PGCKA1: variants seen among roughly 807,000 people sequenced by gnomAD.
PGCKA1 encodes the protein PDCD10 and GCKIII kinases-associated protein 1.
the PGCKA1 span, among the ~76,000 whole-genome samples, chr4:37,469,041 A>G: frequency 6.6e-6 from 1 of 152,142 alleles, no homozygotes; most frequent in Non-Finnish European, 1.5e-5. Flanking sequence ...CCGTATTTTT[A>G]CTGTACATTT....
chr4:37,472,245 C>G, the PGCKA1 span, among the ~76,000 whole-genome samples: 2 of 152,196 alleles, frequency 1.3e-5, no homozygotes, highest in Admixed American at 1.3e-4. Flanking sequence ...TTTCCTCATT[C>G]TCTTCATTCT....
chr4:37,584,793 C>T, the PGCKA1 span, among the ~76,000 whole-genome samples: 3 of 152,160 alleles, frequency 2.0e-5, no homozygotes, highest in Admixed American at 6.5e-5. Flanking sequence ...TGCTTTTCCT[C>T]GCCTTCTTGC....
At chr4:37,514,221 A>C in the PGCKA1 span, among the ~76,000 whole-genome samples, 1 of 152,164 alleles carries the variant, frequency 6.6e-6, no homozygotes, top group Admixed American at 6.5e-5. Context: ...GTAAAACAGA[A>C]ATTAGATTTT....
At chr4:37,479,046 T>G in the PGCKA1 span, among the ~76,000 whole-genome samples, 1 of 152,224 alleles carries the variant, frequency 6.6e-6, no homozygotes, top group Admixed American at 6.5e-5. Flanking sequence ...AATTACACTG[T>G]CTACAGCAAA....
chr4:37,478,535 C>T, the PGCKA1 span, among the ~76,000 whole-genome samples: 1 of 152,176 alleles, frequency 6.6e-6, no homozygotes, highest in Non-Finnish European at 1.5e-5. Flanking sequence ...TTAGATCGTC[C>T]TTCAAGCAAG....
chr4:37,545,713 C>T, the PGCKA1 span, among the ~76,000 whole-genome samples: 159 of 152,266 alleles, frequency 1.0e-3, 1 homozygote, highest in African/African-American at 3.7e-3. Flanking sequence ...TGTCATCCCC[C>T]CATTCATTGT....
the PGCKA1 span, among the ~76,000 whole-genome samples, chr4:37,510,465 G>C: frequency 6.6e-6 from 1 of 152,042 alleles, no homozygotes; most frequent in Non-Finnish European, 1.5e-5. Context: ...ACTCGTACTG[G>C]TACCACCTTG....
At chr4:37,530,837 G>A in the PGCKA1 span, among the ~76,000 whole-genome samples, 21 of 151,880 alleles carry the variant, frequency 1.4e-4, no homozygotes, top group African/African-American at 1.9e-4. Flanking sequence ...AAAATTAGCC[G>A]GGTGTGGTGT....
At chr4:37,530,009 G>T in the PGCKA1 span, among the ~76,000 whole-genome samples, 1 of 152,134 alleles carries the variant, frequency 6.6e-6, no homozygotes, top group East Asian at 1.9e-4. Flanking sequence ...AAAAGAAGTG[G>T]GGTAGGTAAA....
the PGCKA1 span, among the ~76,000 whole-genome samples, chr4:37,556,584 C>T: frequency 2.5e-4 from 38 of 152,074 alleles, no homozygotes; most frequent in Non-Finnish European, 4.7e-4. Context: ...GTTTTTCATC[C>T]GATATGATTC....
the PGCKA1 span, among the ~76,000 whole-genome samples, chr4:37,455,394 G>A: frequency 6.6e-6 from 1 of 152,216 alleles, no homozygotes; most frequent in Admixed American, 6.5e-5. Context: ...TCCCTAAAGT[G>A]TGAAGAGTCA....
At chr4:37,496,372 T>C in the PGCKA1 span, among the ~76,000 whole-genome samples, 1 of 152,220 alleles carries the variant, frequency 6.6e-6, no homozygotes, top group Non-Finnish European at 1.5e-5. Context: ...CCTTTCCCCA[T>C]TGCATGTTTT....
chr4:37,587,529 G>A, the PGCKA1 span, among the ~76,000 whole-genome samples: 4 of 152,254 alleles, frequency 2.6e-5, no homozygotes, highest in East Asian at 7.7e-4. Flanking sequence ...CAGCATCCCT[G>A]GAAATTCACC....
chr4:37,572,189 A>G, the PGCKA1 span, among the ~76,000 whole-genome samples: 37 of 148,546 alleles, frequency 2.5e-4, no homozygotes, highest in East Asian at 2.0e-3. Flanking sequence ...CAGCCTCCCA[A>G]GTAGCTGGGA....
At chr4:37,590,750 C>T in the PGCKA1 span, 11 of 1,613,880 alleles carry the variant, frequency 6.8e-6, no homozygotes, top group Non-Finnish European at 9.3e-6. Flanking sequence ...TTGAATACGC[C>T]CTTCTCTGTG....
At chr4:37,467,803 A>G in the PGCKA1 span, among the ~76,000 whole-genome samples, 1 of 152,214 alleles carries the variant, frequency 6.6e-6, no homozygotes, top group African/African-American at 2.4e-5. Flanking sequence ...TTGAACTCAG[A>G]GTCAGTGTCC....
the PGCKA1 span, among the ~76,000 whole-genome samples, chr4:37,567,057 C>T: frequency 1.4e-5 from 2 of 141,626 alleles, no homozygotes; most frequent in African/African-American, 2.5e-5. Flanking sequence ...CATAATCCAG[C>T]GGACAAAAAA....
chr4:37,523,556 A>G, the PGCKA1 span, among the ~76,000 whole-genome samples: 2 of 152,134 alleles, frequency 1.3e-5, no homozygotes, highest in Non-Finnish European at 2.9e-5. Context: ...CTATTCTGCC[A>G]TCTTGCTCCA....
the PGCKA1 span, chr4:37,588,581 G>A: frequency 2.6e-6 from 1 of 390,804 alleles, no homozygotes; most frequent in Admixed American, 3.7e-5. Flanking sequence ...TGCAAAATGG[G>A]GATGAAACAC....
Sources: gnomAD v4.1 joint callset for allele counts (sites outside exome capture counted in the v4.1 genomes callset) on GRCh38, gnomAD v4.1.1 for gene constraint, MANE v1.5 for transcripts, NCBI Gene and HGNC (gene_info 2026-07-23, HGNC 2026-07-21) for gene names.